ACTR3C: variants seen among roughly 807,000 people sequenced by gnomAD.
The protein encoded by ACTR3C is actin-related protein 3C.
A neutral mutation model predicts 26.3 loss-of-function variants in ACTR3C; 18 were observed. That is an observed-to-expected ratio of 0.68 (90% confidence interval 0.47 to 1.01). The LOEUF is 1.01. ACTR3C is among the 50% of genes least tolerant of loss of function. The probability of loss-of-function intolerance (pLI) is 0.00; values close to 1 mark genes in which losing one functional copy is unlikely to be tolerated. For missense variants in ACTR3C, 184 were observed against 250.7 expected (o/e 0.73, Z 1.80); for synonymous variants, 55 against 94.5 (o/e 0.58, Z 2.42).
chr7:150,297,627 G>A (rs1339282955), intron 1 of ACTR3C, among the ~76,000 whole-genome samples: 8 of 152,182 alleles, frequency 5.3e-5, no homozygotes, highest in East Asian at 3.8e-4. Flanking sequence ...CGAGGCGGGC[G>A]GATCACCTGA....
the ACTR3C span, among the ~76,000 whole-genome samples, chr7:150,201,740 A>G: frequency 6.6e-6 from 1 of 151,214 alleles, no homozygotes; most frequent in East Asian, 1.9e-4. Context: ...TCTCAGTGAC[A>G]AGAGTGAATC....
chr7:150,216,990 A>G, the ACTR3C span, among the ~76,000 whole-genome samples: 2 of 148,176 alleles, frequency 1.3e-5, no homozygotes, highest in African/African-American at 5.2e-5. Context: ...GTCTCAAAAA[A>G]AAAAAAAAAG....
chr7:150,140,382 G>A, the ACTR3C span, among the ~76,000 whole-genome samples: 47 of 152,272 alleles, frequency 3.1e-4, no homozygotes, highest in African/African-American at 1.1e-3. Context: ...ACACAAGGAA[G>A]TCAACTGGAG....
the ACTR3C span, among the ~76,000 whole-genome samples, chr7:149,896,552 A>G: frequency 1.3e-5 from 2 of 152,000 alleles, no homozygotes; most frequent in African/African-American, 2.4e-5. Context: ...AGATACAACC[A>G]TTCCAGAGAA....
chr7:149,987,944 C>CT, the ACTR3C span, among the ~76,000 whole-genome samples: 1 of 152,236 alleles, frequency 6.6e-6, no homozygotes, highest in Non-Finnish European at 1.5e-5. Flanking sequence ...CATTTTCACA[C>CT]TTAAAAACTG....
chr7:150,180,560 T>G, the ACTR3C span, among the ~76,000 whole-genome samples: 3 of 143,976 alleles, frequency 2.1e-5, no homozygotes, highest in Admixed American at 2.0e-4. Context: ...TCGCCCAGGC[T>G]GGAGTGCAGT....
chr7:150,306,857 G>A (rs948768505), intron 1 of ACTR3C, among the ~76,000 whole-genome samples: 5 of 152,208 alleles, frequency 3.3e-5, no homozygotes, highest in Non-Finnish European at 7.3e-5. Context: ...TTCATAGGGA[G>A]ATGGATAACG....
the ACTR3C span, among the ~76,000 whole-genome samples, chr7:150,166,121 CT>C: frequency 6.6e-6 from 1 of 151,576 alleles, no homozygotes; most frequent in Non-Finnish European, 1.5e-5. Context: ...CCGAAATGTG[CT>C]GCCTGTTCTG....
chr7:150,022,167 G>A, the ACTR3C span, among the ~76,000 whole-genome samples: 7 of 152,094 alleles, frequency 4.6e-5, no homozygotes, highest in Non-Finnish European at 1.0e-4. Context: ...CATTTGTGCA[G>A]GAGTAAGGTG....
chr7:149,956,498 T>C, the ACTR3C span, among the ~76,000 whole-genome samples: 110 of 152,358 alleles, frequency 7.2e-4, no homozygotes, highest in Non-Finnish European at 1.2e-3. Flanking sequence ...GCATGAACTA[T>C]ACTATAGTGA....
At chr7:150,021,334 C>T in the ACTR3C span, among the ~76,000 whole-genome samples, 1,240 of 151,824 alleles carry the variant, frequency 8.2e-3, 14 homozygotes, top group Non-Finnish European at 9.2e-3. Flanking sequence ...TATGCATATA[C>T]GTTTTATCAC....
chr7:150,175,724 A>C, the ACTR3C span, among the ~76,000 whole-genome samples: 1 of 146,700 alleles, frequency 6.8e-6, no homozygotes, highest in Non-Finnish European at 1.5e-5. Flanking sequence ...AGGCAGGAGA[A>C]TAGCTTGAAC....
the ACTR3C span, among the ~76,000 whole-genome samples, chr7:150,136,796 C>T: frequency 6.6e-6 from 1 of 152,190 alleles, no homozygotes; most frequent in African/African-American, 2.4e-5. Context: ...GAGGGCTCAG[C>T]CAAGTCTCAG....
the ACTR3C span, among the ~76,000 whole-genome samples, chr7:150,119,618 C>A: frequency 6.6e-6 from 1 of 152,136 alleles, no homozygotes; most frequent in Non-Finnish European, 1.5e-5. Context: ...GACTTAGACT[C>A]CCACAAAATA....
chr7:150,001,404 T>A, the ACTR3C span: 2 of 152,316 alleles, frequency 1.3e-5, no homozygotes, highest in African/African-American at 2.4e-5. Flanking sequence ...TAATTTAGAC[T>A]TTGCCGTTCC....
chr7:150,156,671 T>C, the ACTR3C span, among the ~76,000 whole-genome samples: 1 of 152,198 alleles, frequency 6.6e-6, no homozygotes, highest in Non-Finnish European at 1.5e-5. Context: ...TCATTCAATT[T>C]AAATTTCCAT....
At chr7:150,192,955 T>C in the ACTR3C span, among the ~76,000 whole-genome samples, 5 of 152,324 alleles carry the variant, frequency 3.3e-5, no homozygotes, top group Admixed American at 3.3e-4. Flanking sequence ...CTCTTGCCAA[T>C]GATCTTAACC....
chr7:149,962,848 T>C, the ACTR3C span, among the ~76,000 whole-genome samples: 1 of 152,136 alleles, frequency 6.6e-6, no homozygotes, highest in African/African-American at 2.4e-5. Flanking sequence ...CGTATCTCAC[T>C]CCTTCACGCC....
chr7:150,260,085 T>C (rs1833532711), intron 6 of ACTR3C, among the ~76,000 whole-genome samples: 1 of 152,224 alleles, frequency 6.6e-6, no homozygotes, highest in African/African-American at 2.4e-5. Flanking sequence ...TGGAATGCAA[T>C]CACCCATTGT....
Sources: gnomAD v4.1 joint callset for allele counts (sites outside exome capture counted in the v4.1 genomes callset) on GRCh38, gnomAD v4.1.1 for gene constraint, MANE v1.5 for transcripts, NCBI Gene and HGNC (gene_info 2026-07-23, HGNC 2026-07-21) for gene names.